Variants in ZBTB40 observed in about 807,000 individuals in gnomAD.
ZBTB40 encodes the protein zinc finger and BTB domain containing 40, also known as zinc finger and BTB domain-containing protein 40.
ZBTB40 carries 60 observed loss-of-function variants against 117.5 expected under a neutral mutation model. That is an observed-to-expected ratio of 0.51 (90% CI 0.41 to 0.63). The LOEUF is 0.63. ZBTB40 is among the 30% of genes least tolerant of loss of function. ZBTB40 has a pLI of 0.00. For synonymous variants in ZBTB40, 525 were observed against 577.1 expected (o/e 0.91, Z 1.29); for missense variants, 1,287 against 1,498.5 (o/e 0.86, Z 2.33).
chr1:22,524,296 A>C lies in ZBTB40; in HGVS notation c.3377A>C (p.Glu1126Ala). The C allele has an allele frequency of 6.2e-7, 1 of 1,614,164 alleles. No individual in the cohort carries two copies. Among genetic ancestry groups the C allele is most frequent in the South Asian group, 1.1e-5 (1 of 91,078 alleles). Residue 1126 changes from glutamate (E) to alanine (A), a missense_variant, in exon 17 of 18, where the codon GAG becomes GCG. This residue lies in a region of ZBTB40 where 417 missense variants were observed against 564.1 expected (regional missense o/e 0.74). Coordinates refer to ENST00000375647, the MANE Select transcript of ZBTB40 (RefSeq NM_014870.4). The part of the protein sequence containing the change: ...PGALQHHVTT[E>A]HFKQSETTFP... ...GCATTGCAGCACCATGTCACCACGG[A>C]GCACTTCAAGCAGTCAGAGACCACC...
intron 3 of ZBTB40, among the ~76,000 whole-genome samples, chr1:22,495,568 G>A (rs1216723228): frequency 2.0e-5 from 3 of 152,058 alleles, no homozygotes; most frequent in Admixed American, 6.5e-5. Flanking sequence ...CTGGAGTGCA[G>A]TGGTGCAATC....
intron 1 of ZBTB40, among the ~76,000 whole-genome samples, chr1:22,465,595 A>G (rs945832062): frequency 3.3e-5 from 5 of 152,072 alleles, no homozygotes; most frequent in Non-Finnish European, 7.4e-5. Context: ...GCTGTTGTTC[A>G]TGGTGCTTGG....
intron 3 of ZBTB40, among the ~76,000 whole-genome samples, chr1:22,500,339 C>G (rs1638894565): frequency 6.6e-6 from 1 of 151,958 alleles, no homozygotes; most frequent in Non-Finnish European, 1.5e-5. Context: ...CAAGGTGTGT[C>G]CAGCAGAATC....
chr1:22,501,367 TG>T, intron 3 of ZBTB40, 124 bp from the exon 4 acceptor site: 1 of 992,438 alleles, frequency 1.0e-6, no homozygotes, highest in Non-Finnish European at 1.6e-6. Context: ...GAAAGTGCAG[TG>T]GGTGAGGAGC....
intron 1 of ZBTB40, among the ~76,000 whole-genome samples, chr1:22,439,491 CAA>C (rs1640708155): frequency 6.6e-6 from 1 of 152,162 alleles, no homozygotes; most frequent in Non-Finnish European, 1.5e-5. Context: ...TTTATGTGTT[CAA>C]TTCATTTTGA....
intron 1 of ZBTB40, among the ~76,000 whole-genome samples, chr1:22,489,193 G>A (rs1213764633): frequency 6.6e-6 from 1 of 152,138 alleles, no homozygotes; most frequent in East Asian, 1.9e-4. Flanking sequence ...ACATAAATCT[G>A]AAAGCTGTCA....
chr1:22,432,757 T>C (rs1342332993), intron 1 of ZBTB40, among the ~76,000 whole-genome samples: 1 of 152,246 alleles, frequency 6.6e-6, no homozygotes, highest in African/African-American at 2.4e-5. Flanking sequence ...TATATTCTTA[T>C]ATCTGCCGCC....
intron 1 of ZBTB40, among the ~76,000 whole-genome samples, chr1:22,462,146 G>A (rs1043606483): frequency 1.3e-5 from 2 of 152,170 alleles, no homozygotes; most frequent in Admixed American, 6.5e-5. Flanking sequence ...CCTCTGAACA[G>A]GGAAGTTATC....
intron 6 of ZBTB40, among the ~76,000 whole-genome samples, 154 bp downstream of exon 6, chr1:22,506,395 A>C (rs1209759081): frequency 6.6e-6 from 1 of 152,058 alleles, no homozygotes; most frequent in Non-Finnish European, 1.5e-5. Flanking sequence ...ATAATTCTCG[A>C]TCTCTCTGGA....
intron 9 of ZBTB40, 23 bp from the exon 10 acceptor site, chr1:22,511,156 T>G (rs1007421312): frequency 1.2e-6 from 2 of 1,610,668 alleles, no homozygotes; most frequent in African/African-American, 1.3e-5. Context: ...ACCCCACACC[T>G]TTGTCTCCTG....
chr1:22,513,545 C>T lies in ZBTB40; in HGVS notation c.2668+415C>T, dbSNP rs1397194092. 6.6e-6 allele frequency among the ~76,000 whole-genome samples: 1 copy of T among 151,704 alleles called. No homozygotes were observed. The highest frequency in any genetic ancestry group is 2.4e-5 in the African/African-American group (1 of 41,312). On this transcript the variant is annotated intron_variant, in intron 12 of 17. Coordinates refer to ENST00000375647, the MANE Select transcript of ZBTB40 (RefSeq NM_014870.4). The surrounding 1 kb of genome is among the most constrained non-coding windows in gnomAD (Gnocchi z 4.9). ...GAAACCCCATCTGTACTAAAAAATA[C>T]AAAAAATTAGCCAGGCGTGGTGGCG...
At chr1:22,455,932 C>T (rs975747898) in intron 1 of ZBTB40, among the ~76,000 whole-genome samples, 1 of 152,112 alleles carries the variant, frequency 6.6e-6, no homozygotes, top group Non-Finnish European at 1.5e-5. Context: ...CCTGTTGCCT[C>T]GTACTGAGTA....
chr1:22,492,953 T>C (rs1005451816), intron 3 of ZBTB40, among the ~76,000 whole-genome samples: 1 of 152,230 alleles, frequency 6.6e-6, no homozygotes, highest in Non-Finnish European at 1.5e-5. Flanking sequence ...CTCTTAAAGC[T>C]TCCTCTCCAC....
In ZBTB40 at chr1:22,526,439, GA is replaced by G. The variant is rs1230598433; in HGVS notation, c.*44del. 2 of 1,611,502 alleles carry G rather than the reference GA, an allele frequency of 1.2e-6. No homozygotes were observed. Among genetic ancestry groups the G allele is most frequent in the Non-Finnish European group, 1.7e-6 (2 of 1,179,662 alleles). On this transcript the variant is annotated 3_prime_UTR_variant, in exon 18 of 18. Transcript: ENST00000375647. ...AGAGCCTTCCTGCGTTTGCAGCAGA[GA>G]GGAGGCCCCACAGCTTGCCCTTTGC...
intron 4 of ZBTB40, among the ~76,000 whole-genome samples, chr1:22,501,966 A>G (rs1638948779): frequency 6.6e-6 from 1 of 152,178 alleles, no homozygotes; most frequent in Non-Finnish European, 1.5e-5. Context: ...TGACTTGAGT[A>G]CCCAGGTTGG....
intron 1 of ZBTB40, among the ~76,000 whole-genome samples, chr1:22,454,392 A>T (rs1640958051): frequency 6.6e-6 from 1 of 152,250 alleles, no homozygotes; most frequent in Non-Finnish European, 1.5e-5. Flanking sequence ...TAACAAAGTT[A>T]TTCCAAATTG....
In ZBTB40 at chr1:22,520,216, G is replaced by A. The variant is rs209720; in HGVS notation, c.2989G>A (p.Val997Met). The change falls in exon 14 of 18, where the codon GTG (valine) becomes ATG (methionine). Residue 997 changes from valine (V) to methionine (M), a missense_variant. Transcript: ENST00000375647. Reference protein sequence around the residue: ...FSAPSMLERHVVTHVGGKPFS... With the variant: ...FSAPSMLERHMVTHVGGKPFS... ...TGCCCCGTCCATGCTGGAGCGGCAC[G>A]TGGTGACCCACGTTGGAGGGAAGCC... 1 allele frequency: 1,606,084 copies of A among 1,614,124 alleles called. 799,057 individuals carry two copies. The highest frequency in any genetic ancestry group is 1 in the East Asian group (44,870 of 44,870).
At chr1:22,473,326 G>A (rs1641458119) in intron 1 of ZBTB40, among the ~76,000 whole-genome samples, 2 of 152,038 alleles carry the variant, frequency 1.3e-5, no homozygotes, top group South Asian at 2.1e-4. Flanking sequence ...ATGAGCTTTC[G>A]GGTCAGACTG....
intron 3 of ZBTB40, among the ~76,000 whole-genome samples, chr1:22,498,654 A>C (rs945205798): frequency 6.6e-6 from 1 of 152,242 alleles, no homozygotes. Flanking sequence ...GGGAGACAGC[A>C]GAGAGGATAA....
Sources: allele counts gnomAD v4.1 joint callset (sites outside exome capture counted in the v4.1 genomes callset), GRCh38; gene constraint gnomAD v4.1.1; regional missense constraint gnomAD v4.1.1; non-coding constraint Gnocchi (gnomAD v3.1); transcripts MANE v1.5; gene names NCBI Gene and HGNC (gene_info 2026-07-23, HGNC 2026-07-21).